Variants in PDE4D observed in about 807,000 individuals in gnomAD.
PDE4D encodes 3',5'-cyclic-AMP phosphodiesterase 4D.
Under a neutral mutation model 87.4 loss-of-function variants are expected in PDE4D, and 24 were observed. The ratio of observed to expected loss-of-function variants is 0.27; its 90% confidence interval spans 0.20 to 0.39. The LOEUF (loss-of-function observed/expected upper bound fraction) is 0.39. Ranked by LOEUF, PDE4D falls within the 10% of genes least tolerant of loss-of-function variation. The probability of loss-of-function intolerance (pLI) is 1.00; values close to 1 mark genes in which losing one functional copy is unlikely to be tolerated. For missense variants in PDE4D, 714 were observed against 1,041.0 expected, an observed-to-expected ratio of 0.69 and a Z score of 4.32; for synonymous variants, 384 against 383.2, an observed-to-expected ratio of 1.00 and a Z score of -0.02.
intron 1 of PDE4D, among the ~76,000 whole-genome samples, chr5:59,789,918 G>T (rs143894919): frequency 9.8e-5 from 15 of 152,330 alleles, no homozygotes; most frequent in African/African-American, 3.4e-4. Flanking sequence ...ATAAGCTAAT[G>T]TGATATTTCT....
At chr5:59,797,356 C>T (rs948665987) in intron 1 of PDE4D, among the ~76,000 whole-genome samples, 4 of 152,194 alleles carry the variant, frequency 2.6e-5, no homozygotes, top group African/African-American at 4.8e-5. Context: ...TCTCAGGAAG[C>T]AGTTCACAAG....
intron 1 of PDE4D, among the ~76,000 whole-genome samples, chr5:59,836,718 G>C (rs1267970994): frequency 6.6e-6 from 1 of 151,614 alleles, no homozygotes; most frequent in African/African-American, 2.4e-5. Context: ...TCTATCATCT[G>C]TCTAATAGAT....
At chr5:60,490,218 A>C (rs1749456547), upstream of PDE4D, 1 of 152,206 alleles carries the variant, frequency 6.6e-6, no homozygotes. Flanking sequence ...ACTTTCTAAA[A>C]GACCAGCACT....
chr5:59,647,099 C>T (rs1742593549), intron 1 of PDE4D, among the ~76,000 whole-genome samples: 1 of 152,134 alleles, frequency 6.6e-6, no homozygotes, highest in South Asian at 2.1e-4. Flanking sequence ...TGTTCAGCTC[C>T]ATAATCCTTA....
intron 1 of PDE4D, among the ~76,000 whole-genome samples, chr5:60,453,732 T>C (rs1346041550): frequency 2.0e-5 from 3 of 152,076 alleles, no homozygotes; most frequent in African/African-American, 7.2e-5. Context: ...CAAGTGTACT[T>C]CTCCCGCTTT....
chr5:60,382,950 A>G (rs924758336), intron 1 of PDE4D, among the ~76,000 whole-genome samples: 1 of 152,102 alleles, frequency 6.6e-6, no homozygotes, highest in Non-Finnish European at 1.5e-5. Flanking sequence ...GTAACATTCA[A>G]ACTAGTGTCT....
chr5:59,725,393 A>G (rs1158813485), intron 1 of PDE4D, among the ~76,000 whole-genome samples: 1 of 152,130 alleles, frequency 6.6e-6, no homozygotes, highest in Non-Finnish European at 1.5e-5. Context: ...CATTGTAGAT[A>G]TTCAGTGACT....
At chr5:59,310,111 G>A (rs1271628385) in intron 1 of PDE4D, among the ~76,000 whole-genome samples, 12 of 152,192 alleles carry the variant, frequency 7.9e-5, no homozygotes, top group Admixed American at 7.2e-4. Flanking sequence ...GTAGACCTAA[G>A]TCACTGTGGC....
intron 11 of PDE4D, among the ~76,000 whole-genome samples, chr5:58,980,130 G>C (rs1717482147): frequency 6.6e-6 from 1 of 152,200 alleles, no homozygotes; most frequent in Admixed American, 6.5e-5. Flanking sequence ...GGATGGCATG[G>C]AGCCATATAG....
intron 1 of PDE4D, chr5:59,275,397 G>A (rs777693745): frequency 3.8e-6 from 6 of 1,595,530 alleles, no homozygotes; most frequent in African/African-American, 2.7e-5. Flanking sequence ...TCATAATAAT[G>A]CTCATTTTGA....
At chr5:60,066,413 C>G (rs1772097862) in intron 2 of PDE4D, among the ~76,000 whole-genome samples, 5 of 151,976 alleles carry the variant, frequency 3.3e-5, no homozygotes. Context: ...TTTGAACAAT[C>G]TTTTGATAAG....
In PDE4D at chr5:58,975,745, A is replaced by T; in HGVS notation, c.1925T>A (p.Phe642Tyr). 6.2e-7 allele frequency: 1 copy of T among 1,613,462 alleles called. No homozygotes were observed. Among genetic ancestry groups the T allele is most frequent in the Non-Finnish European group, 8.5e-7 (1 of 1,179,572 alleles). The change falls in exon 14 of 15, where the codon TTC becomes TAC. Residue 642 changes from phenylalanine to tyrosine, a missense_variant. Phe to Tyr is a conservative substitution (Grantham distance 22). This residue lies in a region of PDE4D where 97 missense variants were observed against 176.9 expected (regional missense o/e 0.55). Transcript: ENST00000340635. The surrounding 1 kb of genome is among the most constrained non-coding windows in gnomAD (Gnocchi z 4.2). Reference protein sequence around the residue: ...RQWTDRIMEEFFRQGDRERER... With the variant: ...RQWTDRIMEEYFRQGDRERER... Reference sequence around the variant, plus strand: ...CCTCTCTCGGTCTCCTTGGCGGAAGAACTCCTCCATTATCCGGTCCGTCCA... The same window carrying T: ...CCTCTCTCGGTCTCCTTGGCGGAAGTACTCCTCCATTATCCGGTCCGTCCA...
intron 3 of PDE4D, among the ~76,000 whole-genome samples, chr5:59,919,887 CT>C (rs1438682733): frequency 7.2e-5 from 11 of 152,120 alleles, no homozygotes; most frequent in African/African-American, 2.7e-4. Context: ...AGAGCAGATG[CT>C]TTGTTATAAT....
intron 1 of PDE4D, among the ~76,000 whole-genome samples, chr5:59,695,487 G>A (rs1237018104): frequency 6.6e-6 from 1 of 152,204 alleles, no homozygotes; most frequent in East Asian, 1.9e-4. Context: ...CAATGGTCAA[G>A]TCACTCTTGT....
intron 1 of PDE4D, among the ~76,000 whole-genome samples, chr5:59,556,817 A>G (rs988964843): frequency 6.6e-6 from 1 of 152,160 alleles, no homozygotes; most frequent in African/African-American, 2.4e-5. Context: ...CTTACTGCAA[A>G]TCCTTTTCTA....
intron 1 of PDE4D, among the ~76,000 whole-genome samples, chr5:59,311,416 A>G (rs1772576083): frequency 6.9e-6 from 1 of 144,780 alleles, no homozygotes; most frequent in South Asian, 2.2e-4. Flanking sequence ...CACAAGCATC[A>G]CTTGAACCCA....
At chr5:59,575,023 AAATT>A (rs1352654350) in intron 1 of PDE4D, among the ~76,000 whole-genome samples, 5 of 152,198 alleles carry the variant, frequency 3.3e-5, no homozygotes, top group Non-Finnish European at 7.3e-5. Flanking sequence ...ATAATGAGAG[AAATT>A]AATTAACACT....
chr5:60,270,140 C>G (rs1357961453), intron 1 of PDE4D, among the ~76,000 whole-genome samples: 1 of 152,060 alleles, frequency 6.6e-6, no homozygotes, highest in African/African-American at 2.4e-5. Flanking sequence ...TACCATGAAC[C>G]AAGACAGGGA....
intron 1 of PDE4D, among the ~76,000 whole-genome samples, chr5:59,623,268 G>A (rs921265657): frequency 1.3e-5 from 2 of 152,054 alleles, no homozygotes; most frequent in Non-Finnish European, 2.9e-5. Context: ...CTGTTCAATC[G>A]AATTTTCTGT....
Sources: gnomAD v4.1 joint callset for allele counts (sites outside exome capture counted in the v4.1 genomes callset) on GRCh38, gnomAD v4.1.1 for gene constraint, gnomAD v4.1.1 regional missense constraint, Gnocchi (gnomAD v3.1) non-coding constraint, MANE v1.5 for transcripts, NCBI Gene and HGNC (gene_info 2026-07-23, HGNC 2026-07-21) for gene names.